ADGB: variants seen among roughly 807,000 people sequenced by gnomAD.
ADGB encodes the protein calpain-7-like protein.
In ADGB, 172 loss-of-function variants were observed where a neutral mutation model predicts 210.5. The observed-to-expected ratio is 0.82, with a 90% CI of 0.72 to 0.93. The LOEUF is 0.93. Ranked by LOEUF, ADGB falls within the 40% of genes least tolerant of loss-of-function variation. The pLI is 0.00. For missense variants in ADGB, 2,025 were observed against 1,964.8 expected (o/e 1.03, Z -0.58); for synonymous variants, 658 against 662.7 (o/e 0.99, Z 0.11).
intron 26 of ADGB, among the ~76,000 whole-genome samples, chr6:146,748,557 G>T (rs147244805): frequency 4.6e-5 from 7 of 152,142 alleles, no homozygotes; most frequent in Non-Finnish European, 8.8e-5. Flanking sequence ...ACATCTTCAC[G>T]TGGTATCTTC....
chr6:146,745,788 T>C (rs1777222978), intron 25 of ADGB, 134 bp from the exon 26 acceptor site: 1 of 607,416 alleles, frequency 1.6e-6, no homozygotes, highest in Non-Finnish European at 2.6e-6. Flanking sequence ...ATCCTAGTGA[T>C]TCTATGTTTA....
intron 33 of ADGB, among the ~76,000 whole-genome samples, chr6:146,797,526 C>T (rs931825942): frequency 2.0e-5 from 3 of 151,834 alleles, no homozygotes; most frequent in African/African-American, 7.3e-5. Context: ...TACATATATA[C>T]ACACACACAC....
intron 35 of ADGB, chr6:146,803,540 G>A (rs1191338416): frequency 2.3e-5 from 36 of 1,586,342 alleles, no homozygotes; most frequent in Non-Finnish European, 3.0e-5. Context: ...TTCACAGTTT[G>A]TCCAACTGTT....
At chr6:146,694,405 G>T (rs972066227) in intron 12 of ADGB, among the ~76,000 whole-genome samples, 1 of 152,016 alleles carries the variant, frequency 6.6e-6, no homozygotes, top group South Asian at 2.1e-4. Context: ...AGCTCTCTGG[G>T]GTACCTTTTA....
At chr6:146,629,434 T>C (rs185352626) in intron 1 of ADGB, among the ~76,000 whole-genome samples, 1 of 152,288 alleles carries the variant, frequency 6.6e-6, no homozygotes, top group Non-Finnish European at 1.5e-5. Context: ...ATCTTCAATA[T>C]AGATGGACAC....
chr6:146,751,428 CTGCGGTGAACATATGCA>C (rs1777319581), intron 26 of ADGB, among the ~76,000 whole-genome samples: 1 of 152,006 alleles, frequency 6.6e-6, no homozygotes, highest in Non-Finnish European at 1.5e-5. Flanking sequence ...GTGAATAGTG[CTGCGGTGAACATATGCA>C]TGCATGTATC....
At chr6:146,614,343 A>G (rs1780759236) in intron 1 of ADGB, among the ~76,000 whole-genome samples, 2 of 152,016 alleles carry the variant, frequency 1.3e-5, no homozygotes, top group South Asian at 4.2e-4. Flanking sequence ...TACACATGAA[A>G]CCTTCACCAC....
chr6:146,734,699 C>T (rs1203652562), intron 22 of ADGB, among the ~76,000 whole-genome samples: 2 of 152,240 alleles, frequency 1.3e-5, no homozygotes, highest in African/African-American at 4.8e-5. Flanking sequence ...TGCTTGAGCT[C>T]TGGAGTTCAA....
At chr6:146,671,968 G>C (rs1776015482) in intron 7 of ADGB, among the ~76,000 whole-genome samples, 2 of 152,072 alleles carry the variant, frequency 1.3e-5, no homozygotes, top group Admixed American at 1.3e-4. Flanking sequence ...TTCCCTACCA[G>C]GGCGAGTGAT....
At chr6:146,793,677 T>G (rs259400) in intron 33 of ADGB, among the ~76,000 whole-genome samples, 100,339 of 151,966 alleles carry the variant, frequency 0.66, 33,807 homozygotes, top group African/African-American at 0.79. Flanking sequence ...GCTGTTATGG[T>G]AACTAGAAAG....
intron 3 of ADGB, among the ~76,000 whole-genome samples, chr6:146,645,154 T>C (rs1775589665): frequency 1.3e-5 from 2 of 152,148 alleles, no homozygotes; most frequent in South Asian, 4.1e-4. Context: ...AGTTGTTCCT[T>C]AATTTCTGAT....
chr6:146,809,036 G>A, intron 35 of ADGB, among the ~76,000 whole-genome samples: 1 of 90,400 alleles, frequency 1.1e-5, no homozygotes, highest in Non-Finnish European at 2.0e-5. Context: ...GAATGTGGAG[G>A]TCAAAAGGGC....
At chr6:146,738,503 G>A (rs555307870) in intron 23 of ADGB, among the ~76,000 whole-genome samples, 3 of 136,796 alleles carry the variant, frequency 2.2e-5, no homozygotes, top group South Asian at 4.7e-4. Context: ...AGGCTGGAGT[G>A]CAGTGGCACG....
chr6:146,793,405 G>T (rs1263447225), intron 33 of ADGB, among the ~76,000 whole-genome samples: 10 of 152,194 alleles, frequency 6.6e-5, no homozygotes, highest in Admixed American at 1.3e-4. Flanking sequence ...TGGGAATGGG[G>T]TGATGACCAC....
At chr6:146,660,612 T>C (rs555277771) in intron 5 of ADGB, among the ~76,000 whole-genome samples, 15 of 152,286 alleles carry the variant, frequency 9.8e-5, no homozygotes, top group African/African-American at 3.4e-4. Context: ...GTGTGAGATA[T>C]GTAAATATAA....
At chr6:146,605,746 A>G (rs1780622123) in intron 1 of ADGB, among the ~76,000 whole-genome samples, 1 of 152,146 alleles carries the variant, frequency 6.6e-6, no homozygotes, top group African/African-American at 2.4e-5. Flanking sequence ...AGTGTAAAAA[A>G]CGTAGCAAAA....
intron 35 of ADGB, among the ~76,000 whole-genome samples, chr6:146,806,072 G>A (rs1023707190): frequency 6.6e-6 from 1 of 152,180 alleles, no homozygotes; most frequent in Non-Finnish European, 1.5e-5. Context: ...AATTGTGTAA[G>A]TTCAATTTAC....
At chr6:146,754,935 T>C (rs554886289) in intron 27 of ADGB, among the ~76,000 whole-genome samples, 55 of 152,214 alleles carry the variant, frequency 3.6e-4, no homozygotes, top group Admixed American at 9.8e-4. Flanking sequence ...CATTTATACT[T>C]TAACTGGTGT....
chr6:146,737,315 C>T (rs1777093871), intron 23 of ADGB, among the ~76,000 whole-genome samples: 1 of 151,934 alleles, frequency 6.6e-6, no homozygotes, highest in Admixed American at 6.6e-5. Flanking sequence ...TGAATTTAAC[C>T]ACAGATTAGG....
Sources: allele counts gnomAD v4.1 joint callset (sites outside exome capture counted in the v4.1 genomes callset), GRCh38; gene constraint gnomAD v4.1.1; transcripts MANE v1.5; gene names NCBI Gene and HGNC (gene_info 2026-07-23, HGNC 2026-07-21).